Variants in LRFN5 observed in about 807,000 individuals in gnomAD.
LRFN5 encodes the protein leucine rich repeat and fibronectin type III domain containing 5.
In LRFN5, 24 loss-of-function variants were observed where a neutral mutation model predicts 45.6. The observed-to-expected ratio is 0.53, with a 90% CI of 0.38 to 0.74. The LOEUF is 0.74. Ranked by LOEUF, LRFN5 falls within the 30% of genes least tolerant of loss-of-function variation. The probability of loss-of-function intolerance (pLI) is 0.00; values close to 1 mark genes in which losing one functional copy is unlikely to be tolerated. For synonymous variants in LRFN5, 340 were observed against 313.8 expected (o/e 1.08, Z -0.88); for missense variants, 776 against 861.5 (o/e 0.90, Z 1.24).
chr14:41,805,234 A>G (rs747040805), intron 2 of LRFN5, among the ~76,000 whole-genome samples: 3 of 151,680 alleles, frequency 2.0e-5, no homozygotes, highest in Non-Finnish European at 2.9e-5. Context: ...TATTGGCCAG[A>G]CTGGTTATTA....
At chr14:41,650,268 A>ACACACACACACACACACACACACAC (rs1437857911) in intron 1 of LRFN5, among the ~76,000 whole-genome samples, 3 of 129,400 alleles carry the variant, frequency 2.3e-5, no homozygotes, top group Non-Finnish European at 4.7e-5. Context: ...CACACACACA[A>ACACACACACACACACACACACACAC]AAAAAAAAAA....
At chr14:41,831,362 T>A (rs188305874) in intron 2 of LRFN5, among the ~76,000 whole-genome samples, 32 of 152,318 alleles carry the variant, frequency 2.1e-4, no homozygotes, top group Admixed American at 1.9e-3. Flanking sequence ...TGTGTAATGT[T>A]TGCTTATACA....
At chr14:41,769,544 ATG>A (rs1886005652) in intron 2 of LRFN5, among the ~76,000 whole-genome samples, 1 of 152,180 alleles carries the variant, frequency 6.6e-6, no homozygotes, top group Non-Finnish European at 1.5e-5. Context: ...GTGTGTATAT[ATG>A]TATATATGTG....
intron 2 of LRFN5, among the ~76,000 whole-genome samples, chr14:41,802,324 GA>G (rs1887362678): frequency 6.6e-6 from 1 of 152,114 alleles, no homozygotes; most frequent in Admixed American, 6.6e-5. Flanking sequence ...ATTACTAAGA[GA>G]AAACATCAGA....
chr14:41,613,760 A>G (rs1281926620), intron 1 of LRFN5, among the ~76,000 whole-genome samples: 2 of 152,096 alleles, frequency 1.3e-5, no homozygotes, highest in Admixed American at 1.3e-4. Context: ...CATTCAATAG[A>G]TGCTCAATCA....
intron 1 of LRFN5, among the ~76,000 whole-genome samples, chr14:41,759,041 C>A (rs533888085): frequency 6.6e-6 from 1 of 152,078 alleles, no homozygotes; most frequent in Non-Finnish European, 1.5e-5. Flanking sequence ...CCTCAAAGAG[C>A]TTACAGGCCA....
chr14:41,831,295 A>G (rs1331080001), intron 2 of LRFN5, among the ~76,000 whole-genome samples: 2 of 152,186 alleles, frequency 1.3e-5, no homozygotes, highest in Non-Finnish European at 2.9e-5. Context: ...GATATAACTT[A>G]ATCACTACTA....
chr14:41,885,112 G>A (rs1890518521), intron 2 of LRFN5, among the ~76,000 whole-genome samples: 1 of 149,194 alleles, frequency 6.7e-6, no homozygotes, highest in African/African-American at 2.5e-5. Flanking sequence ...GGGAGACTGA[G>A]TCAAGAGGAT....
intron 2 of LRFN5, among the ~76,000 whole-genome samples, chr14:41,779,114 G>A (rs1419078953): frequency 2.0e-5 from 3 of 151,704 alleles, no homozygotes; most frequent in Non-Finnish European, 3.0e-5. Context: ...TCACATTATA[G>A]GGTATATATT....
intron 1 of LRFN5, among the ~76,000 whole-genome samples, chr14:41,727,899 G>C (rs1251215209): frequency 1.3e-5 from 2 of 152,062 alleles, no homozygotes; most frequent in African/African-American, 4.8e-5. Context: ...CATGAAGGTG[G>C]GGTGGTAGAG....
chr14:41,661,689 A>G (rs532191962), intron 1 of LRFN5, among the ~76,000 whole-genome samples: 164 of 152,090 alleles, frequency 1.1e-3, no homozygotes, highest in African/African-American at 3.6e-3. Context: ...GCACAGAGAG[A>G]GGAGCCTCCA....
At chr14:41,692,600 G>T (rs1408658499) in intron 1 of LRFN5, among the ~76,000 whole-genome samples, 1 of 152,040 alleles carries the variant, frequency 6.6e-6, no homozygotes, top group Non-Finnish European at 1.5e-5. Context: ...AGTGTGTGAT[G>T]TTCCCCTTCC....
At chr14:41,724,264 A>G (rs903040154) in intron 1 of LRFN5, among the ~76,000 whole-genome samples, 1 of 152,096 alleles carries the variant, frequency 6.6e-6, no homozygotes, top group Non-Finnish European at 1.5e-5. Flanking sequence ...GCATGCTAAA[A>G]TCCCCTGGTA....
intron 4 of LRFN5, chr14:41,894,008 T>G: frequency 1.0e-6 from 1 of 984,244 alleles, no homozygotes; most frequent in Non-Finnish European, 1.2e-6. Context: ...TAAATATTTT[T>G]AATTAACATC....
rs563223094 is a variant in LRFN5, at chr14:41,730,032, G to C, written c.-196-36822G>C. On this transcript the variant is annotated intron_variant, in intron 1 of 5. Coordinates refer to ENST00000298119, the MANE Select transcript of LRFN5 (RefSeq NM_152447.5). ...TGCAACCTAAAACATTAGAAGTAAT[G>C]TTCTGTATATAATCTGTACATGTTT... is the stretch of plus-strand genomic sequence containing the variant. Among the ~76,000 whole-genome samples, 4 of 151,962 alleles carry C rather than the reference G, an allele frequency of 2.6e-5. No individual in the cohort carries two copies. The South Asian group carries it at 8.3e-4, about 32-fold the overall frequency.
chr14:41,882,270 C>T (rs1319726798), intron 2 of LRFN5, among the ~76,000 whole-genome samples: 1 of 151,858 alleles, frequency 6.6e-6, no homozygotes, highest in Admixed American at 6.6e-5. Flanking sequence ...CCACAGTCTA[C>T]GAAGGTGGAA....
intron 2 of LRFN5, among the ~76,000 whole-genome samples, chr14:41,884,552 A>G (rs1157860797): frequency 2.6e-5 from 4 of 152,188 alleles, no homozygotes; most frequent in Non-Finnish European, 2.9e-5. Flanking sequence ...CACACAGGGA[A>G]GAGTCCAGTG....
At chr14:41,886,094 A>G (rs756307594) in intron 2 of LRFN5, among the ~76,000 whole-genome samples, 2 of 151,932 alleles carry the variant, frequency 1.3e-5, no homozygotes, top group Non-Finnish European at 2.9e-5. Flanking sequence ...AAAATTAATC[A>G]AGAATTTGTT....
intron 2 of LRFN5, among the ~76,000 whole-genome samples, chr14:41,821,187 A>G (rs1051784118): frequency 1.3e-5 from 2 of 151,986 alleles, no homozygotes; most frequent in Non-Finnish European, 2.9e-5. Context: ...GTCTTATTCC[A>G]GTTCTTAGAG....
Sources: gnomAD v4.1 joint callset for allele counts (sites outside exome capture counted in the v4.1 genomes callset) on GRCh38, gnomAD v4.1.1 for gene constraint, MANE v1.5 for transcripts, NCBI Gene and HGNC (gene_info 2026-07-23, HGNC 2026-07-21) for gene names.